GRM7: variants seen among roughly 807,000 people sequenced by gnomAD.
GRM7 encodes glutamate metabotropic receptor 7.
In GRM7, 35 loss-of-function variants were observed where a neutral mutation model predicts 84.5. The ratio of observed to expected loss-of-function variants is 0.41; its 90% CI spans 0.32 to 0.55. The LOEUF (loss-of-function observed/expected upper bound fraction) is 0.55, where lower values mean the gene tolerates loss of function less well. Among genes scored for constraint, GRM7 ranks in the 20% least tolerant of loss-of-function variants. GRM7 has a pLI of 0.19. For missense variants in GRM7, 1,003 were observed against 1,194.6 expected, an observed-to-expected ratio of 0.84 and a Z score of 2.36; for synonymous variants, 487 against 455.1, an observed-to-expected ratio of 1.07 and a Z score of -0.89.
intron 7 of GRM7, among the ~76,000 whole-genome samples, chr3:7,555,199 T>G (rs551200871): frequency 1.2e-4 from 18 of 152,340 alleles, no homozygotes; most frequent in Middle Eastern, 3.4e-3. Context: ...TAGGTCTGAT[T>G]GGTTCACTCT....
intron 1 of GRM7, among the ~76,000 whole-genome samples, chr3:7,062,345 A>T (rs559758707): frequency 1.3e-5 from 2 of 151,728 alleles, no homozygotes; most frequent in East Asian, 2.0e-4. Context: ...TGTGGAACTG[A>T]GTTTTGTAAA....
Position 7,067,274 on chromosome 3 carries a change from C to T in GRM7, c.520-79178C>T, listed in dbSNP as rs560176045. 1.7e-4 allele frequency among the ~76,000 whole-genome samples: 26 copies of T among 151,864 alleles called. No individual in the cohort carries two copies. In the East Asian group the frequency reaches 2.9e-3, roughly 17 times the overall value. ...TATGATCTTTACCTTGTAAACCCTACGGACTCCTCCAGAAAGCTCCTAGAA... is the reference window on the plus strand; with the variant it reads ...TATGATCTTTACCTTGTAAACCCTATGGACTCCTCCAGAAAGCTCCTAGAA... On this transcript the variant is annotated intron_variant, in intron 1 of 9. Coordinates refer to ENST00000357716, the MANE Select transcript of GRM7 (RefSeq NM_000844.4).
At chr3:6,998,878 T>A (rs887284827) in intron 1 of GRM7, among the ~76,000 whole-genome samples, 2 of 152,080 alleles carry the variant, frequency 1.3e-5, no homozygotes, top group Non-Finnish European at 2.9e-5. Flanking sequence ...CTGAAACCAT[T>A]TTTTCCTCCT....
At chr3:7,529,531 A>T (rs1482016224) in intron 7 of GRM7, among the ~76,000 whole-genome samples, 1 of 152,104 alleles carries the variant, frequency 6.6e-6, no homozygotes, top group East Asian at 1.9e-4. Flanking sequence ...CAAGATCATT[A>T]ACATTATAGA....
intron 4 of GRM7, among the ~76,000 whole-genome samples, chr3:7,394,942 G>A (rs1436188706): frequency 3.3e-5 from 5 of 151,826 alleles, no homozygotes; most frequent in Non-Finnish European, 5.9e-5. Context: ...GGAGGCTGAG[G>A]CAGGAGAGTT....
intron 2 of GRM7, among the ~76,000 whole-genome samples, chr3:7,242,670 A>T (rs1017596500): frequency 6.6e-6 from 1 of 152,164 alleles, no homozygotes; most frequent in Non-Finnish European, 1.5e-5. Flanking sequence ...AGATTTTCTT[A>T]AAGTTTTGTG....
chr3:7,305,610 T>TTACCATC (rs1700166567), intron 3 of GRM7, among the ~76,000 whole-genome samples: 5 of 60,726 alleles, frequency 8.2e-5, no homozygotes, highest in Non-Finnish European at 2.0e-4. Context: ...TGGTTTTTTG[T>TTACCATC]TCTTGCGATA....
chr3:7,532,292 T>C (rs1170583959), intron 7 of GRM7, among the ~76,000 whole-genome samples: 2 of 152,204 alleles, frequency 1.3e-5, no homozygotes, highest in African/African-American at 4.8e-5. Flanking sequence ...TCTGCCTCAA[T>C]TTCAGAACTT....
At chr3:7,656,514 TAAAAA>T (rs374617506) in intron 8 of GRM7, among the ~76,000 whole-genome samples, 7 of 104,762 alleles carry the variant, frequency 6.7e-5, no homozygotes, top group East Asian at 5.4e-4. Flanking sequence ...AACAAACAAA[TAAAAA>T]AAAATATATA....
At chr3:7,628,256 C>T (rs997388481) in intron 8 of GRM7, among the ~76,000 whole-genome samples, 1 of 152,120 alleles carries the variant, frequency 6.6e-6, no homozygotes, top group Admixed American at 6.5e-5. Flanking sequence ...TGAGGGCCTA[C>T]TGTGTGCCCA....
intron 1 of GRM7, among the ~76,000 whole-genome samples, chr3:7,079,687 A>T (rs892979510): frequency 7.9e-5 from 12 of 152,122 alleles, no homozygotes; most frequent in African/African-American, 2.9e-4. Context: ...GGGTGAGTTT[A>T]CCTGTGATGG....
At chr3:6,883,956 A>G (rs1695601892) in intron 1 of GRM7, among the ~76,000 whole-genome samples, 1 of 152,222 alleles carries the variant, frequency 6.6e-6, no homozygotes, top group Non-Finnish European at 1.5e-5. Context: ...GTCTGGAGAC[A>G]TGGAACTCCC....
chr3:7,673,030 T>A (rs1306087864), intron 8 of GRM7, among the ~76,000 whole-genome samples: 1 of 152,200 alleles, frequency 6.6e-6, no homozygotes, highest in Non-Finnish European at 1.5e-5. Context: ...AATAACAGTG[T>A]AGAAAATAAA....
intron 7 of GRM7, among the ~76,000 whole-genome samples, chr3:7,550,182 G>T (rs1368561249): frequency 6.6e-6 from 1 of 150,594 alleles, no homozygotes; most frequent in Non-Finnish European, 1.5e-5. Flanking sequence ...TTGGGTAACT[G>T]CCCAGAGGCC....
At chr3:7,348,528 A>G (rs1692991902) in intron 4 of GRM7, among the ~76,000 whole-genome samples, 1 of 152,126 alleles carries the variant, frequency 6.6e-6, no homozygotes, top group Non-Finnish European at 1.5e-5. Context: ...GCTTTACCAA[A>G]TAGACCCCAA....
At chr3:6,960,811 G>A (rs1331224484) in intron 1 of GRM7, among the ~76,000 whole-genome samples, 1 of 152,080 alleles carries the variant, frequency 6.6e-6, no homozygotes, top group African/African-American at 2.4e-5. Context: ...TCTACCTATG[G>A]TGGGGCCTGG....
chr3:7,394,321 A>G (rs1159029001), intron 4 of GRM7, among the ~76,000 whole-genome samples: 1 of 152,248 alleles, frequency 6.6e-6, no homozygotes, highest in Non-Finnish European at 1.5e-5. Flanking sequence ...GTTCACAAAG[A>G]TACTGTAAAA....
chr3:7,055,526 T>TAC (rs113055872), intron 1 of GRM7, among the ~76,000 whole-genome samples: 1 of 149,762 alleles, frequency 6.7e-6, no homozygotes, highest in Admixed American at 6.7e-5. Context: ...TATATATACA[T>TAC]ACACACACAT....
intron 1 of GRM7, among the ~76,000 whole-genome samples, chr3:7,029,261 G>A (rs759789998): frequency 3.5e-5 from 5 of 144,274 alleles, no homozygotes; most frequent in African/African-American, 8.0e-5. Flanking sequence ...CTGGGATCAC[G>A]CCATTGCACT....
Sources: gnomAD v4.1 joint callset for allele counts (sites outside exome capture counted in the v4.1 genomes callset) on GRCh38, gnomAD v4.1.1 for gene constraint, MANE v1.5 for transcripts, NCBI Gene and HGNC (gene_info 2026-07-23, HGNC 2026-07-21) for gene names.